MTPAP: variants seen among roughly 807,000 people sequenced by gnomAD.
MTPAP encodes the protein mitochondrial poly(A) polymerase.
A neutral mutation model predicts 48.7 loss-of-function variants in MTPAP; 23 were observed. The ratio of observed to expected loss-of-function variants is 0.47; its 90% confidence interval spans 0.34 to 0.67. The LOEUF is 0.67. Ranked by LOEUF, MTPAP falls within the 30% of genes least tolerant of loss-of-function variation. The pLI is 0.01. For missense variants in MTPAP, 614 were observed against 694.3 expected (o/e 0.88, Z 1.30); for synonymous variants, 257 against 254.1 (o/e 1.01, Z -0.11).
intron 4 of MTPAP, 49 bp from the exon 5 acceptor site, chr10:30,326,684 AT>A: frequency 7.1e-7 from 1 of 1,414,786 alleles, no homozygotes; most frequent in Non-Finnish European, 1.0e-6. Context: ...AAAAAAAACA[AT>A]TTTTTAATAA....
intron 1 of MTPAP, among the ~76,000 whole-genome samples, chr10:30,347,941 G>A (rs1171935973): frequency 6.6e-6 from 1 of 150,758 alleles, no homozygotes; most frequent in African/African-American, 2.4e-5. Flanking sequence ...CCACCGAATA[G>A]CTGAGTTTAG....
intron 4 of MTPAP, among the ~76,000 whole-genome samples, chr10:30,327,499 A>AAAATAAATAAATAAATAAATAAAT (rs55642261): frequency 7.2e-6 from 1 of 138,898 alleles, no homozygotes; most frequent in African/African-American, 2.7e-5. Flanking sequence ...ACTCCATTTC[A>AAAATAAATAAATAAATAAATAAAT]AAATAAATAA....
At position 30,311,503 on chromosome 10, in the gene MTPAP, T is replaced by C. The variant is rs1293553842; in HGVS notation, c.*2106A>G. 6.6e-6 allele frequency: 1 copy of C among 152,206 alleles called. No individual in the cohort carries two copies. Among genetic ancestry groups the C allele is most frequent in the Admixed American group, 6.5e-5 (1 of 15,280 alleles). The allele number at this position is 152,206 out of a possible 1,614,324, so 9.4% of individuals were successfully genotyped here. On this transcript the variant is annotated 3_prime_UTR_variant, in exon 9 of 9. Coordinates refer to ENST00000263063, the MANE Select transcript of MTPAP (RefSeq NM_018109.4). ...CAGTTAAAGAGAAGTAACATTTACT[T>C]CGCGCCAGGAAAATGCACTGACCTA... is the stretch of plus-strand genomic sequence containing the variant.
intron 1 of MTPAP, among the ~76,000 whole-genome samples, chr10:30,341,883 T>C (rs903728548): frequency 6.6e-6 from 1 of 152,162 alleles, no homozygotes; most frequent in Non-Finnish European, 1.5e-5. Context: ...ATATACAATG[T>C]TTTATCCTAC....
intron 2 of MTPAP, 63 bp from the exon 3 acceptor site, chr10:30,340,513 G>T: frequency 9.6e-7 from 1 of 1,046,508 alleles, no homozygotes; most frequent in Non-Finnish European, 1.5e-6. Context: ...TACTATTTTA[G>T]CTCATATATT....
chr10:30,336,947 A>G lies in MTPAP; in HGVS notation c.636T>C (p.Ser212=). The G allele has an allele frequency of 6.2e-7, 1 of 1,613,686 alleles. No homozygotes were observed. The highest frequency in any genetic ancestry group is 8.5e-7 in the Non-Finnish European group (1 of 1,179,992). ...ENTKLRYLTC[S]LIEDMAAAYF... ...ACGCGGCGGCCATGTCTTCAATAAG[A>G]GAACAGGTGAGATATCGGAGCTTAG... Residue 212 remains serine (S), a synonymous_variant, in exon 4 of 9, where the codon TCT becomes TCC. Coordinates refer to ENST00000263063, the MANE Select transcript of MTPAP (RefSeq NM_018109.4).
At position 30,325,328 on chromosome 10, in the gene MTPAP, C is replaced by T. The variant is rs1252530707; in HGVS notation, c.992+1096G>A. Among the ~76,000 whole-genome samples the T allele has an allele frequency of 3.9e-5, 6 of 152,174 alleles. No individual in the cohort carries two copies. The East Asian group carries it at 9.7e-4, about 24-fold the overall frequency. On this transcript the variant is annotated intron_variant, in intron 5 of 8. Coordinates refer to ENST00000263063, the MANE Select transcript of MTPAP (RefSeq NM_018109.4). Reference sequence around the variant, plus strand: ...TTGTGGGTGAAGATTCGAGTTTAATCAAAACTGCTCTAGCCTTGATTTTCT... The same window carrying T: ...TTGTGGGTGAAGATTCGAGTTTAATTAAAACTGCTCTAGCCTTGATTTTCT...
chr10:30,345,292 T>C (rs1834861336), intron 1 of MTPAP, among the ~76,000 whole-genome samples: 1 of 152,220 alleles, frequency 6.6e-6, no homozygotes, highest in Non-Finnish European at 1.5e-5. Context: ...TACTCTTAAA[T>C]ATGTATTTAT....
intron 6 of MTPAP, among the ~76,000 whole-genome samples, chr10:30,317,829 TA>T (rs1231147757): frequency 3.3e-5 from 5 of 152,280 alleles, no homozygotes; most frequent in African/African-American, 1.2e-4. Context: ...AGCAGGTATA[TA>T]ATCAATAATC....
At chr10:30,318,547 C>T (rs551676989) in intron 6 of MTPAP, among the ~76,000 whole-genome samples, 2 of 152,056 alleles carry the variant, frequency 1.3e-5, no homozygotes, top group African/African-American at 4.8e-5. Flanking sequence ...AATTAAAGCA[C>T]TAAGCACAGA....
rs1422287979 is a variant in MTPAP, at chr10:30,311,275, T to G, written c.*2334A>C. The G allele has an allele frequency of 6.6e-6, 1 of 152,204 alleles. No homozygotes were observed. The highest frequency in any genetic ancestry group is 1.5e-5 in the Non-Finnish European group (1 of 68,034). The allele number at this position is 152,204 out of a possible 1,614,324, so 9.4% of individuals were successfully genotyped here. On this transcript the variant is annotated 3_prime_UTR_variant, in exon 9 of 9. Coordinates refer to ENST00000263063, the MANE Select transcript of MTPAP (RefSeq NM_018109.4). Reference sequence around the variant, plus strand: ...CACTGATATTTGTTGGTGTCAAATGTGCAATCCAATAGCACAGACACAAGG... The same window carrying G: ...CACTGATATTTGTTGGTGTCAAATGGGCAATCCAATAGCACAGACACAAGG...
chr10:30,318,080 A>G (rs1248104948), intron 6 of MTPAP, among the ~76,000 whole-genome samples: 1 of 152,110 alleles, frequency 6.6e-6, no homozygotes, highest in African/African-American at 2.4e-5. Flanking sequence ...GCTGGTCTCA[A>G]ACTCCTGACC....
intron 4 of MTPAP, among the ~76,000 whole-genome samples, chr10:30,330,131 A>G (rs961288016): frequency 1.3e-5 from 2 of 152,222 alleles, no homozygotes; most frequent in Non-Finnish European, 2.9e-5. Context: ...AAATCACTGT[A>G]TACAATCCCT....
Position 30,326,650 on chromosome 10 carries a change from C to T in MTPAP, c.781-15G>A, listed in dbSNP as rs1554817701. ...TTTCCTGAGATCTGAAAAATAAACA[C>T]ATTTCTAAATAGGAGCTTTTGGTAA... On this transcript the variant is annotated splice_polypyrimidine_tract_variant and intron_variant, in intron 4 of 8. Coordinates refer to ENST00000263063, the MANE Select transcript of MTPAP (RefSeq NM_018109.4). 4 of 1,597,756 alleles carry T rather than the reference C, an allele frequency of 2.5e-6. No individual in the cohort carries two copies. In the South Asian group the frequency reaches 4.4e-5, roughly 18 times the overall value.
chr10:30,322,698 A>C, intron 5 of MTPAP, 81 bp from the exon 6 acceptor site: 1 of 916,718 alleles, frequency 1.1e-6, no homozygotes. Context: ...ACCAAGAAAC[A>C]CATCTAAATA....
intron 2 of MTPAP, 111 bp from the exon 3 acceptor site, chr10:30,340,561 T>A: frequency 1.2e-6 from 1 of 835,080 alleles, no homozygotes; most frequent in Non-Finnish European, 2.0e-6. Flanking sequence ...ATCAAGTCTT[T>A]AAAATTTACA....
chr10:30,323,554 G>A (rs1840753057), intron 5 of MTPAP, among the ~76,000 whole-genome samples: 1 of 152,024 alleles, frequency 6.6e-6, no homozygotes, highest in Non-Finnish European at 1.5e-5. Context: ...CTGTCGCCCA[G>A]GCTAGAGCGC....
At chr10:30,345,123 C>T (rs1384551895) in intron 1 of MTPAP, among the ~76,000 whole-genome samples, 1 of 152,186 alleles carries the variant, frequency 6.6e-6, no homozygotes, top group African/African-American at 2.4e-5. Context: ...TATATGTAAA[C>T]ATATACACTT....
chr10:30,342,423 G>A (rs948224083), intron 1 of MTPAP, among the ~76,000 whole-genome samples: 77 of 152,158 alleles, frequency 5.1e-4, no homozygotes, highest in Middle Eastern at 3.4e-3. Flanking sequence ...CATGGATGAG[G>A]TGGAATTACT....
Sources: gnomAD v4.1 joint callset for allele counts (sites outside exome capture counted in the v4.1 genomes callset) on GRCh38, gnomAD v4.1.1 for gene constraint, MANE v1.5 for transcripts, NCBI Gene and HGNC (gene_info 2026-07-23, HGNC 2026-07-21) for gene names.